PCDH15: variants seen among roughly 807,000 people sequenced by gnomAD.
The protein encoded by PCDH15 is protocadherin-15.
Under a neutral mutation model 178.5 loss-of-function variants are expected in PCDH15, and 129 were observed. The ratio of observed to expected loss-of-function variants is 0.72; its 90% CI spans 0.63 to 0.84. The LOEUF (loss-of-function observed/expected upper bound fraction) is 0.84, where lower values mean the gene tolerates loss of function less well. Ranked by LOEUF, PCDH15 falls within the 40% of genes least tolerant of loss-of-function variation. PCDH15 has a pLI of 0.00. For synonymous variants in PCDH15, 800 were observed against 732.0 expected (o/e 1.09, Z -1.50); for missense variants, 2,230 against 2,099.9 (o/e 1.06, Z -1.21).
chr10:54,537,026 C>A (rs1218824853), intron 2 of PCDH15, among the ~76,000 whole-genome samples: 1 of 89,320 alleles, frequency 1.1e-5, no homozygotes, highest in African/African-American at 4.9e-5. Flanking sequence ...TTTGAGACGG[C>A]GTCTCTCTCT....
At chr10:54,425,623 C>T (rs1215576521) in intron 3 of PCDH15, among the ~76,000 whole-genome samples, 2 of 152,032 alleles carry the variant, frequency 1.3e-5, no homozygotes, top group Admixed American at 6.6e-5. Flanking sequence ...TTTATAGATT[C>T]AAAATAATTT....
chr10:54,446,907 C>T (rs2136231140), intron 3 of PCDH15, among the ~76,000 whole-genome samples: 1 of 151,612 alleles, frequency 6.6e-6, no homozygotes, highest in Admixed American at 6.6e-5. Context: ...GAAAGAATGC[C>T]TATAAGATTG....
At chr10:55,177,502 C>A (rs1839526377) in intron 1 of PCDH15, among the ~76,000 whole-genome samples, 1 of 152,118 alleles carries the variant, frequency 6.6e-6, no homozygotes, top group South Asian at 2.1e-4. Flanking sequence ...GATTTGGTGG[C>A]TAAAGGATGG....
At chr10:53,837,401 G>GC (rs1427858739) in intron 29 of PCDH15, among the ~76,000 whole-genome samples, 1 of 151,968 alleles carries the variant, frequency 6.6e-6, no homozygotes, top group Non-Finnish European at 1.5e-5. Context: ...CGATAAGCTG[G>GC]CCAAACAAAA....
chr10:54,259,759 C>G lies in PCDH15; in HGVS notation c.877-22828G>C, dbSNP rs548571709. Among the ~76,000 whole-genome samples the G allele has an allele frequency of 2.0e-5, 3 of 152,116 alleles. No homozygotes were observed. In the South Asian group the frequency reaches 6.2e-4, roughly 32 times the overall value. On this transcript the variant is annotated intron_variant, in intron 8 of 37. Transcript: ENST00000644397. ...CAATTGTGTCCTAGAAACTCATTTT[C>G]TATGTTCCAGTCTTGTAAATTCTAC...
chr10:54,308,448 C>T (rs1211578447), intron 8 of PCDH15, among the ~76,000 whole-genome samples: 1 of 151,896 alleles, frequency 6.6e-6, no homozygotes, highest in African/African-American at 2.4e-5. Context: ...TTTTTGCCTC[C>T]TTAATAGTTA....
At chr10:55,525,994 T>C (rs1841293827) in intron 2 of PCDH15, among the ~76,000 whole-genome samples, 1 of 151,918 alleles carries the variant, frequency 6.6e-6, no homozygotes, top group African/African-American at 2.4e-5. Context: ...GATTGAGAGT[T>C]GTCAGGATCA....
chr10:55,148,302 A>C (rs1029279377), intron 2 of PCDH15, among the ~76,000 whole-genome samples: 2 of 151,910 alleles, frequency 1.3e-5, no homozygotes, highest in Non-Finnish European at 2.9e-5. Flanking sequence ...AAATGTAGTA[A>C]GAACATTTAT....
chr10:54,474,143 G>T (rs1384728860), intron 3 of PCDH15, among the ~76,000 whole-genome samples: 4 of 151,690 alleles, frequency 2.6e-5, no homozygotes, highest in Admixed American at 1.3e-4. Context: ...TATTTTTCTT[G>T]CTTGTAAATT....
At chr10:54,120,749 T>G (rs774597218) in intron 15 of PCDH15, among the ~76,000 whole-genome samples, 15 of 152,094 alleles carry the variant, frequency 9.9e-5, no homozygotes, top group Non-Finnish European at 2.1e-4. Context: ...GATTTAACTA[T>G]CTAGAACATA....
chr10:54,600,407 A>G (rs2092467705), intron 2 of PCDH15: 5 of 569,326 alleles, frequency 8.8e-6, no homozygotes, highest in Admixed American at 6.0e-5. Context: ...GGGAGGGAAG[A>G]GGAGTAAGAC....
chr10:54,186,095 G>A (rs1040413774), intron 11 of PCDH15, among the ~76,000 whole-genome samples: 2 of 151,962 alleles, frequency 1.3e-5, no homozygotes, highest in African/African-American at 4.8e-5. Flanking sequence ...TAGCACTGAT[G>A]TCTGCATAGT....
intron 1 of PCDH15, among the ~76,000 whole-genome samples, chr10:55,213,875 T>C (rs986056440): frequency 2.6e-5 from 4 of 151,964 alleles, no homozygotes; most frequent in Non-Finnish European, 5.9e-5. Context: ...GCTTTCTATT[T>C]AATTCTTAAT....
At chr10:54,642,113 T>C (rs564378974) in intron 2 of PCDH15, among the ~76,000 whole-genome samples, 1 of 151,892 alleles carries the variant, frequency 6.6e-6, no homozygotes, top group East Asian at 1.9e-4. Context: ...GATAATTAGG[T>C]CATGAGACCA....
At chr10:55,541,755 T>G (rs1841764355) in intron 2 of PCDH15, among the ~76,000 whole-genome samples, 1 of 151,884 alleles carries the variant, frequency 6.6e-6, no homozygotes, top group African/African-American at 2.4e-5. Context: ...GTACATTCAT[T>G]TATTCAGTTA....
chr10:54,764,334 T>C (rs1415975621), intron 1 of PCDH15, among the ~76,000 whole-genome samples: 1 of 152,082 alleles, frequency 6.6e-6, no homozygotes, highest in African/African-American at 2.4e-5. Flanking sequence ...TTTTCATCTA[T>C]TTCCCTTTAG....
At chr10:54,611,144 A>G (rs573031866) in intron 2 of PCDH15, among the ~76,000 whole-genome samples, 2 of 151,882 alleles carry the variant, frequency 1.3e-5, no homozygotes, top group African/African-American at 4.8e-5. Flanking sequence ...AAAAGATTTT[A>G]ATAACTGTTG....
intron 2 of PCDH15, among the ~76,000 whole-genome samples, chr10:55,003,976 G>C (rs1839861743): frequency 6.6e-6 from 1 of 152,204 alleles, no homozygotes; most frequent in Non-Finnish European, 1.5e-5. Context: ...GAGGCCTTTG[G>C]AGGCCAAGTC....
chr10:54,153,894 ACAAT>A (rs1385845436), intron 13 of PCDH15, among the ~76,000 whole-genome samples: 2 of 152,218 alleles, frequency 1.3e-5, no homozygotes, highest in Admixed American at 1.3e-4. Flanking sequence ...TAATGTGTCA[ACAAT>A]CAAACAAATG....
Sources: allele counts gnomAD v4.1 joint callset (sites outside exome capture counted in the v4.1 genomes callset), GRCh38; gene constraint gnomAD v4.1.1; transcripts MANE v1.5; gene names NCBI Gene and HGNC (gene_info 2026-07-23, HGNC 2026-07-21).